The following CSMD1 variants were observed in gnomAD, a reference collection of about 807,000 sequenced individuals.
The protein encoded by CSMD1 is CUB and Sushi multiple domains 1, also known as CUB and sushi domain-containing protein 1.
Under a neutral mutation model 417.5 loss-of-function variants are expected in CSMD1, and 213 were observed. The observed-to-expected ratio is 0.51, with a 90% confidence interval of 0.46 to 0.57. The LOEUF (loss-of-function observed/expected upper bound fraction) is 0.57, where lower values mean the gene tolerates loss of function less well. Among genes scored for constraint, CSMD1 ranks in the 20% least tolerant of loss-of-function variants. CSMD1 has a pLI of 0.00. For synonymous variants in CSMD1, 2,862 were observed against 1,736.8 expected (o/e 1.65, Z -16.11); for missense variants, 6,923 against 4,529.7 (o/e 1.53, Z -15.17).
chr8:4,993,897 G>C (rs1436947539), intron 1 of CSMD1, among the ~76,000 whole-genome samples: 1 of 152,082 alleles, frequency 6.6e-6, no homozygotes, highest in Non-Finnish European at 1.5e-5. Flanking sequence ...TTTCCAGGCC[G>C]GCTTCACCCG....
chr8:4,734,209 G>A (rs1306961343), intron 1 of CSMD1, among the ~76,000 whole-genome samples: 1 of 152,084 alleles, frequency 6.6e-6, no homozygotes, highest in African/African-American at 2.4e-5. Flanking sequence ...AAATTCCCCT[G>A]CATGGTATAA....
intron 3 of CSMD1, among the ~76,000 whole-genome samples, chr8:4,178,558 A>G (rs1007951017): frequency 6.6e-5 from 10 of 151,266 alleles, no homozygotes; most frequent in African/African-American, 9.7e-5. Context: ...CCTATTCAAC[A>G]TAGTGTTGGA....
chr8:3,399,841 T>C (rs989220545), intron 15 of CSMD1, among the ~76,000 whole-genome samples: 2 of 152,244 alleles, frequency 1.3e-5, no homozygotes, highest in Non-Finnish European at 2.9e-5. Flanking sequence ...CATGCCCGGT[T>C]ATCTATAGTT....
At chr8:4,667,361 C>T (rs79023526) in intron 1 of CSMD1, among the ~76,000 whole-genome samples, 10,526 of 151,588 alleles carry the variant, frequency 0.069, 446 homozygotes, top group African/African-American at 0.12. Flanking sequence ...TGCAAACATT[C>T]GAGAGTGAAT....
chr8:4,212,835 A>G (rs1475478734), intron 3 of CSMD1, among the ~76,000 whole-genome samples: 3 of 146,058 alleles, frequency 2.1e-5, no homozygotes, highest in South Asian at 4.3e-4. Context: ...GGCATTTGGG[A>G]AACACCCTTC....
chr8:3,569,602 T>C (rs1444829927), intron 10 of CSMD1, among the ~76,000 whole-genome samples: 2 of 152,212 alleles, frequency 1.3e-5, no homozygotes, highest in African/African-American at 2.4e-5. Flanking sequence ...CTGATGCTTC[T>C]GGCAAGAGTC....
intron 2 of CSMD1, among the ~76,000 whole-genome samples, chr8:4,461,354 T>A (rs1034656877): frequency 1.3e-5 from 2 of 151,878 alleles, no homozygotes; most frequent in Non-Finnish European, 2.9e-5. Flanking sequence ...ACTGGAGGTT[T>A]TAGCTAGGGC....
intron 5 of CSMD1, among the ~76,000 whole-genome samples, chr8:3,765,264 G>A (rs1584962666): frequency 6.6e-6 from 1 of 152,130 alleles, no homozygotes; most frequent in South Asian, 2.1e-4. Flanking sequence ...ATCCTGTGCA[G>A]TCAATCTATG....
At chr8:3,453,697 AC>A (rs1354622618) in intron 12 of CSMD1, among the ~76,000 whole-genome samples, 1 of 152,022 alleles carries the variant, frequency 6.6e-6, no homozygotes, top group Non-Finnish European at 1.5e-5. Context: ...TAATTTCTGT[AC>A]TTTTACATTT....
At chr8:3,296,267 A>T (rs961802763) in intron 25 of CSMD1, among the ~76,000 whole-genome samples, 1 of 151,012 alleles carries the variant, frequency 6.6e-6, no homozygotes, top group African/African-American at 2.4e-5. Flanking sequence ...ATCCTGTGAG[A>T]CGTAAGAATT....
chr8:4,324,536 G>A (rs1462182414), intron 3 of CSMD1, among the ~76,000 whole-genome samples: 2 of 152,184 alleles, frequency 1.3e-5, no homozygotes, highest in Non-Finnish European at 2.9e-5. Context: ...CCCAGGAGGT[G>A]CATTCTGGTG....
chr8:3,704,662 C>T (rs975542217), intron 7 of CSMD1: 16 of 152,252 alleles, frequency 1.1e-4, no homozygotes, highest in African/African-American at 3.6e-4. Context: ...CAACCTCACC[C>T]TTTGTGGCCA....
At chr8:3,200,962 A>G (rs1796959602) in intron 32 of CSMD1, among the ~76,000 whole-genome samples, 1 of 152,226 alleles carries the variant, frequency 6.6e-6, no homozygotes, top group African/African-American at 2.4e-5. Context: ...GTAGGTCATC[A>G]ATTAAAAGTG....
chr8:4,632,873 C>G (rs1393837841), intron 2 of CSMD1, among the ~76,000 whole-genome samples: 1 of 152,132 alleles, frequency 6.6e-6, no homozygotes, highest in Non-Finnish European at 1.5e-5. Context: ...AATAAGAGGA[C>G]AACATTCTCT....
chr8:4,086,832 A>C (rs1467679229), intron 3 of CSMD1, among the ~76,000 whole-genome samples: 1 of 152,192 alleles, frequency 6.6e-6, no homozygotes, highest in East Asian at 1.9e-4. Flanking sequence ...CTTTGCATGC[A>C]TCCTTGTCAA....
chr8:4,617,357 G>A (rs928548990), intron 2 of CSMD1, among the ~76,000 whole-genome samples: 2 of 152,238 alleles, frequency 1.3e-5, no homozygotes, highest in Middle Eastern at 3.4e-3. Context: ...AATGTAAACA[G>A]AGCTGATTAC....
At chr8:3,830,904 AT>A (rs1398841426) in intron 5 of CSMD1, among the ~76,000 whole-genome samples, 1 of 152,080 alleles carries the variant, frequency 6.6e-6, no homozygotes, top group Non-Finnish European at 1.5e-5. Flanking sequence ...TAAAATCTAT[AT>A]TTCCTTCCTC....
intron 5 of CSMD1, among the ~76,000 whole-genome samples, chr8:3,845,558 G>C (rs1339653827): frequency 1.3e-5 from 2 of 152,142 alleles, no homozygotes; most frequent in South Asian, 2.1e-4. Flanking sequence ...GGGTGTCAGT[G>C]AACGAGTGAT....
At chr8:3,485,042 C>T (rs374896173) in intron 11 of CSMD1, among the ~76,000 whole-genome samples, 1 of 152,182 alleles carries the variant, frequency 6.6e-6, no homozygotes, top group East Asian at 1.9e-4. Flanking sequence ...ACATACAACT[C>T]AAGCAATTAC....
Sources: gnomAD v4.1 joint callset for allele counts (sites outside exome capture counted in the v4.1 genomes callset) on GRCh38, gnomAD v4.1.1 for gene constraint, MANE v1.5 for transcripts, NCBI Gene and HGNC (gene_info 2026-07-23, HGNC 2026-07-21) for gene names.